The following PTPRD variants were observed in gnomAD, a reference collection of about 807,000 sequenced individuals.
PTPRD encodes the protein receptor-type tyrosine-protein phosphatase delta.
In PTPRD, 34 loss-of-function variants were observed where a neutral mutation model predicts 214.5. The ratio of observed to expected loss-of-function variants is 0.16; its 90% CI spans 0.12 to 0.21. The LOEUF is 0.21. Ranked by LOEUF, PTPRD falls within the 10% of genes least tolerant of loss-of-function variation. The probability of loss-of-function intolerance (pLI) is 1.00; values close to 1 mark genes in which losing one functional copy is unlikely to be tolerated. For synonymous variants in PTPRD, 1,128 were observed against 845.7 expected, an observed-to-expected ratio of 1.33 and a Z score of -5.79; for missense variants, 2,545 against 2,398.7, an observed-to-expected ratio of 1.06 and a Z score of -1.27.
chr9:9,031,268 G>C (rs1465579925), intron 10 of PTPRD, among the ~76,000 whole-genome samples: 1 of 135,700 alleles, frequency 7.4e-6, no homozygotes, highest in Non-Finnish European at 1.7e-5. Flanking sequence ...AATCACATTT[G>C]TTTAATGAAT....
intron 7 of PTPRD, among the ~76,000 whole-genome samples, chr9:9,733,606 C>T (rs998189757): frequency 6.6e-6 from 1 of 152,126 alleles, no homozygotes; most frequent in Non-Finnish European, 1.5e-5. Context: ...TCACTGCTCT[C>T]CCACTCCCAT....
At chr9:9,529,054 T>C (rs1335609957) in intron 8 of PTPRD, among the ~76,000 whole-genome samples, 1 of 151,010 alleles carries the variant, frequency 6.6e-6, no homozygotes, top group Non-Finnish European at 1.5e-5. Context: ...AGCCTCAGCC[T>C]CCAGAGTATC....
intron 7 of PTPRD, among the ~76,000 whole-genome samples, chr9:9,658,379 A>T (rs75644231): frequency 0.025 from 3,829 of 152,272 alleles, 154 homozygotes; most frequent in African/African-American, 0.086. Context: ...CACATTTAGT[A>T]CTTATAATGT....
intron 35 of PTPRD, among the ~76,000 whole-genome samples, chr9:8,419,582 T>A (rs2094207264): frequency 6.6e-6 from 1 of 152,060 alleles, no homozygotes; most frequent in Non-Finnish European, 1.5e-5. Context: ...GCAGGTCATC[T>A]TAACCAATGA....
intron 29 of PTPRD, 42 bp downstream of exon 29, chr9:8,485,185 T>C: frequency 6.5e-7 from 1 of 1,545,428 alleles, no homozygotes; most frequent in East Asian, 2.2e-5. Context: ...CTGTCCCCTC[T>C]ACTTTTATCT....
At chr9:8,426,623 G>T (rs1321372045) in intron 35 of PTPRD, among the ~76,000 whole-genome samples, 1 of 152,068 alleles carries the variant, frequency 6.6e-6, no homozygotes, top group African/African-American at 2.4e-5. Flanking sequence ...GAACTTGTAT[G>T]AGAACAACGA....
At chr9:8,700,251 G>C (rs1190552889) in intron 12 of PTPRD, among the ~76,000 whole-genome samples, 3 of 152,176 alleles carry the variant, frequency 2.0e-5, no homozygotes, top group African/African-American at 4.8e-5. Flanking sequence ...GCTGCCATCA[G>C]TAAAAATGCA....
At chr9:9,320,829 T>C (rs1249024644) in intron 9 of PTPRD, among the ~76,000 whole-genome samples, 3 of 152,210 alleles carry the variant, frequency 2.0e-5, no homozygotes, top group Non-Finnish European at 4.4e-5. Context: ...AGGGCTCAAA[T>C]TTCTCTTCAA....
intron 2 of PTPRD, among the ~76,000 whole-genome samples, chr9:10,444,106 G>A (rs563142503): frequency 2.6e-5 from 4 of 151,576 alleles, no homozygotes; most frequent in African/African-American, 9.7e-5. Flanking sequence ...TTACATTTCT[G>A]TTGTAGCTGC....
chr9:8,710,090 T>C lies in PTPRD; in HGVS notation c.64+23690A>G, dbSNP rs140619065. The stretch of plus-strand genomic sequence containing the variant: ...CATGATTGTTATTAAATAATCTGCG[T>C]GAAGCAAGGTGCACGCACATCCTAA... On this transcript the variant is annotated intron_variant, in intron 12 of 45. Coordinates refer to ENST00000381196, the MANE Select transcript of PTPRD (RefSeq NM_002839.4). Among the ~76,000 whole-genome samples, 270 of 152,336 alleles carry C rather than the reference T, an allele frequency of 1.8e-3. 1 individual carries two copies. The highest frequency in any genetic ancestry group is 6.3e-3 in the African/African-American group (260 of 41,582).
At chr9:8,806,031 C>A (rs985031877) in intron 11 of PTPRD, among the ~76,000 whole-genome samples, 5 of 149,444 alleles carry the variant, frequency 3.3e-5, no homozygotes, top group Admixed American at 3.3e-4. Context: ...AAAAGAAATT[C>A]TCCTGCCTCA....
chr9:9,457,984 A>C (rs186545782), intron 8 of PTPRD, among the ~76,000 whole-genome samples: 1 of 146,106 alleles, frequency 6.8e-6, no homozygotes, highest in East Asian at 1.9e-4. Flanking sequence ...GTATTTCATA[A>C]ATAATAAGTG....
At chr9:10,558,622 G>C (rs935272946) in intron 2 of PTPRD, among the ~76,000 whole-genome samples, 1 of 152,112 alleles carries the variant, frequency 6.6e-6, no homozygotes, top group Non-Finnish European at 1.5e-5. Flanking sequence ...TACAATTTAT[G>C]TCACTTTTTG....
At chr9:10,488,048 C>T (rs1589281200) in intron 2 of PTPRD, among the ~76,000 whole-genome samples, 1 of 147,442 alleles carries the variant, frequency 6.8e-6, no homozygotes, top group East Asian at 2.0e-4. Flanking sequence ...GTGACACAAG[C>T]AACCCTGTGG....
intron 11 of PTPRD, among the ~76,000 whole-genome samples, chr9:8,794,585 C>A (rs2096351201): frequency 6.7e-6 from 1 of 149,502 alleles, no homozygotes; most frequent in Non-Finnish European, 1.5e-5. Flanking sequence ...CTCAAGCAAT[C>A]CTCCTGTCTT....
intron 9 of PTPRD, among the ~76,000 whole-genome samples, chr9:9,334,219 T>C (rs547609578): frequency 2.0e-4 from 31 of 152,048 alleles, no homozygotes; most frequent in Non-Finnish European, 4.3e-4. Context: ...AAAACAGACA[T>C]GATCTCAGTT....
intron 10 of PTPRD, among the ~76,000 whole-genome samples, chr9:9,112,691 G>A (rs1477320324): frequency 6.6e-6 from 1 of 152,098 alleles, no homozygotes; most frequent in African/African-American, 2.4e-5. Flanking sequence ...TTTTAAGAAA[G>A]AGAATAAATG....
chr9:8,447,779 G>C (rs1590758506), intron 34 of PTPRD, among the ~76,000 whole-genome samples: 1 of 152,160 alleles, frequency 6.6e-6, no homozygotes, highest in African/African-American at 2.4e-5. Flanking sequence ...TCCGGTGGAA[G>C]ACCAAGGTTG....
chr9:10,481,559 T>C lies in PTPRD; in HGVS notation c.-600+130839A>G, dbSNP rs1036917929. Among the ~76,000 whole-genome samples, 8 of 152,166 alleles carry C rather than the reference T, an allele frequency of 5.3e-5. No individual in the cohort carries two copies. In the East Asian group the frequency reaches 5.8e-4, roughly 11 times the overall value. On this transcript the variant is annotated intron_variant, in intron 2 of 45. Transcript: ENST00000381196. Reference sequence around the variant, plus strand: ...TTGCCTGATTTGTGTGTTATCAATGTCTCTTAGCCTCATGAGAAAGAAGTT... The same window carrying C: ...TTGCCTGATTTGTGTGTTATCAATGCCTCTTAGCCTCATGAGAAAGAAGTT...
Sources: allele counts gnomAD v4.1 joint callset (sites outside exome capture counted in the v4.1 genomes callset), GRCh38; gene constraint gnomAD v4.1.1; transcripts MANE v1.5; gene names NCBI Gene and HGNC (gene_info 2026-07-23, HGNC 2026-07-21).